The following DACH2 variants were observed in gnomAD, a reference collection of about 807,000 sequenced individuals.
The protein encoded by DACH2 is dachshund homolog 2.
In DACH2, 17 loss-of-function variants were observed where a neutral mutation model predicts 35.8. That is an observed-to-expected ratio of 0.48 (90% CI 0.33 to 0.71). DACH2 has a LOEUF of 0.71. Among genes scored for constraint, DACH2 ranks in the 30% least tolerant of loss-of-function variants. DACH2 has a pLI of 0.02. For synonymous variants in DACH2, 195 were observed against 177.3 expected (o/e 1.10, Z -0.79); for missense variants, 469 against 472.7 (o/e 0.99, Z 0.07).
At chrX:86,638,810 G>A (rs2040310026) in intron 3 of DACH2, among the ~76,000 whole-genome samples, 1 of 111,861 alleles carries the variant, frequency 8.9e-6, no homozygotes, top group Admixed American at 9.5e-5. Flanking sequence ...CACTGTTAGT[G>A]GGTGTGTAAA....
At chrX:86,196,006 C>G (rs1003669135) in intron 1 of DACH2, among the ~76,000 whole-genome samples, 4 of 112,169 alleles carry the variant, frequency 3.6e-5, no homozygotes, top group South Asian at 3.7e-4. Flanking sequence ...TGCTAGAACC[C>G]TGACAACTCA....
At chrX:86,437,822 A>G (rs2037092687) in intron 2 of DACH2, among the ~76,000 whole-genome samples, 1 of 105,308 alleles carries the variant, frequency 9.5e-6, no homozygotes, top group African/African-American at 3.5e-5. Flanking sequence ...TAGTTTTTTT[A>G]GTTTTTTTTT....
At chrX:86,568,514 T>G (rs966758065) in intron 3 of DACH2, among the ~76,000 whole-genome samples, 2 of 111,473 alleles carry the variant, frequency 1.8e-5, no homozygotes, top group Non-Finnish European at 3.8e-5. Flanking sequence ...TTTCAGTAAT[T>G]GGTGTTAATT....
chrX:86,224,835 G>A (rs150615455), intron 1 of DACH2, among the ~76,000 whole-genome samples: 3,663 of 111,182 alleles, frequency 0.033, 144 homozygotes, highest in African/African-American at 0.11. Flanking sequence ...CAAATGGTGT[G>A]TTTACTCAAC....
At chrX:86,611,660 T>G (rs1387616699) in intron 3 of DACH2, among the ~76,000 whole-genome samples, 1 of 111,186 alleles carries the variant, frequency 9.0e-6, no homozygotes, top group Non-Finnish European at 1.9e-5. Context: ...CAGGCATCAG[T>G]TGCATTCAGC....
At chrX:86,290,975 C>A (rs2034276483) in intron 1 of DACH2, among the ~76,000 whole-genome samples, 1 of 108,985 alleles carries the variant, frequency 9.2e-6, no homozygotes, top group South Asian at 4.1e-4. Context: ...TCATTGGTAG[C>A]TTGATGGGGA....
chrX:86,714,181 G>A (rs1401057483), intron 5 of DACH2, among the ~76,000 whole-genome samples: 1 of 111,685 alleles, frequency 9.0e-6, no homozygotes, highest in Non-Finnish European at 1.9e-5. Context: ...ACACATCAAT[G>A]CATTATTGTT....
chrX:86,312,677 G>C (rs957753945), intron 1 of DACH2, among the ~76,000 whole-genome samples: 1 of 111,770 alleles, frequency 8.9e-6, no homozygotes, highest in African/African-American at 3.2e-5. Context: ...TAGCCTCCCA[G>C]CCTACATTTT....
At chrX:86,417,485 ACATGGAT>A (rs2148152557) in intron 2 of DACH2, among the ~76,000 whole-genome samples, 1 of 107,846 alleles carries the variant, frequency 9.3e-6, no homozygotes, top group East Asian at 2.8e-4. Context: ...GTCACATCCT[ACATGGAT>A]GGCAGCAGGC....
intron 1 of DACH2, among the ~76,000 whole-genome samples, chrX:86,187,377 A>G (rs751355445): frequency 1.8e-5 from 2 of 109,530 alleles, no homozygotes; most frequent in South Asian, 7.8e-4. Context: ...TATAATTTCT[A>G]TTCAATAATT....
chrX:86,525,010 G>A (rs2038611108), intron 3 of DACH2, among the ~76,000 whole-genome samples: 2 of 111,583 alleles, frequency 1.8e-5, no homozygotes, highest in African/African-American at 6.5e-5. Context: ...TCAGCAATCT[G>A]GTGAGGTAAG....
intron 9 of DACH2, among the ~76,000 whole-genome samples, chrX:86,813,914 A>C (rs755317611): frequency 1.8e-5 from 2 of 111,810 alleles, no homozygotes; most frequent in Non-Finnish European, 3.8e-5. Context: ...GACTGGCAGC[A>C]CAGTAGATTT....
At chrX:86,648,088 A>G (rs1224226114) in intron 3 of DACH2, among the ~76,000 whole-genome samples, 1 of 111,031 alleles carries the variant, frequency 9.0e-6, no homozygotes, top group Non-Finnish European at 1.9e-5. Flanking sequence ...TCCCAGTAAC[A>G]TTGAATCTCT....
At chrX:86,420,384 G>A (rs891983893) in intron 2 of DACH2, among the ~76,000 whole-genome samples, 1 of 111,953 alleles carries the variant, frequency 8.9e-6, no homozygotes, top group East Asian at 2.8e-4. Flanking sequence ...ATAAATTTTT[G>A]TGACAGACAT....
intron 1 of DACH2, chrX:86,345,309 C>T (rs1047241821): frequency 1.1e-5 from 2 of 180,116 alleles, no homozygotes; most frequent in African/African-American, 6.2e-5. Flanking sequence ...ATAGTAGCTC[C>T]ATGAGTTTAA....
intron 2 of DACH2, among the ~76,000 whole-genome samples, chrX:86,414,301 C>T (rs529499769): frequency 1.7e-4 from 17 of 102,450 alleles, no homozygotes; most frequent in Middle Eastern, 5.4e-3. Context: ...TCTAGGAACA[C>T]GGTGATTAAT....
chrX:86,301,801 A>G (rs1279854386), intron 1 of DACH2, among the ~76,000 whole-genome samples: 1 of 112,046 alleles, frequency 8.9e-6, no homozygotes, highest in Admixed American at 9.5e-5. Context: ...CAGTATATTA[A>G]TTGTCCTGAA....
intron 3 of DACH2, among the ~76,000 whole-genome samples, chrX:86,564,122 G>T (rs1464907718): frequency 9.1e-6 from 1 of 110,419 alleles, no homozygotes; most frequent in African/African-American, 3.3e-5. Flanking sequence ...CTCAAATATG[G>T]TATAAAATCT....
intron 6 of DACH2, among the ~76,000 whole-genome samples, chrX:86,738,577 A>G (rs938027142): frequency 8.9e-6 from 1 of 111,754 alleles, no homozygotes; most frequent in South Asian, 3.7e-4. Flanking sequence ...CATTTATTGC[A>G]TAAGTGCATA....
Sources: allele counts gnomAD v4.1 joint callset (sites outside exome capture counted in the v4.1 genomes callset), GRCh38; gene constraint gnomAD v4.1.1; transcripts MANE v1.5; gene names NCBI Gene and HGNC (gene_info 2026-07-23, HGNC 2026-07-21).